The following PCDHGA2 variants were observed in gnomAD, a reference collection of about 807,000 sequenced individuals.
PCDHGA2 encodes protocadherin gamma-A2.
A neutral mutation model predicts 59.2 loss-of-function variants in PCDHGA2; 40 were observed. The observed-to-expected ratio is 0.68, with a 90% CI of 0.52 to 0.88. The LOEUF (loss-of-function observed/expected upper bound fraction) is 0.88, where lower values mean the gene tolerates loss of function less well. Among genes scored for constraint, PCDHGA2 ranks in the 40% least tolerant of loss-of-function variants. The pLI is 0.00. For missense variants in PCDHGA2, 1,226 were observed against 1,204.0 expected (o/e 1.02, Z -0.27); for synonymous variants, 560 against 526.0 (o/e 1.06, Z -0.89).
chr5:141,470,870 G>GT (rs1230952624), intron 1 of PCDHGA2, among the ~76,000 whole-genome samples: 1 of 151,546 alleles, frequency 6.6e-6, no homozygotes, highest in Non-Finnish European at 1.5e-5. Context: ...TTGTTTGTTT[G>GT]TTTTTTTGTT....
At chr5:141,413,820 C>T in intron 1 of PCDHGA2, 1 of 1,613,204 alleles carries the variant, frequency 6.2e-7, no homozygotes, top group Non-Finnish European at 8.5e-7. Flanking sequence ...ACCACCTGGT[C>T]CTCACCGCCT....
chr5:141,353,084 G>A (rs1759182149), intron 1 of PCDHGA2, among the ~76,000 whole-genome samples: 1 of 152,142 alleles, frequency 6.6e-6, no homozygotes, highest in African/African-American at 2.4e-5. Context: ...GGTATCTACT[G>A]CGGGAGGGGG....
chr5:141,338,876 C>A lies in PCDHGA2; in HGVS notation c.-96C>A. 6.9e-7 allele frequency: 1 copy of A among 1,451,392 alleles called. No individual in the cohort carries two copies. Among genetic ancestry groups the A allele is most frequent in the Non-Finnish European group, 9.1e-7 (1 of 1,103,242 alleles). The allele number at this position is 1,451,392 out of a possible 1,614,324, so 89.9% of individuals were successfully genotyped here. On this transcript the variant is annotated 5_prime_UTR_variant, in exon 1 of 4. Transcript: ENST00000394576. Reference sequence around the variant, plus strand: ...AGTTCTCTCCATAGGGACCTGGGTCCCGTGAATGCTGGTTATCTCACACCC... The same window carrying A: ...AGTTCTCTCCATAGGGACCTGGGTCACGTGAATGCTGGTTATCTCACACCC...
At position 141,461,300 on chromosome 5, in the gene PCDHGA2, A is replaced by G. The variant is rs889981233; in HGVS notation, c.2425-33507A>G. Among the ~76,000 whole-genome samples, 10 of 152,106 alleles carry G rather than the reference A, an allele frequency of 6.6e-5. No individual in the cohort carries two copies. In the East Asian group the frequency reaches 1.4e-3, roughly 21 times the overall value. On this transcript the variant is annotated intron_variant, in intron 1 of 3. Transcript: ENST00000394576. The stretch of plus-strand genomic sequence containing the variant: ...TTTCCCCACATCCACACCAACATCT[A>G]TTGTTTTTTGACTTTTTAATAATGG...
chr5:141,356,203 G>A (rs1454984060), intron 1 of PCDHGA2: 2 of 1,607,564 alleles, frequency 1.2e-6, no homozygotes, highest in Non-Finnish European at 1.7e-6. Flanking sequence ...CAAGGTACTG[G>A]TGACAGTTCT....
intron 1 of PCDHGA2, chr5:141,360,898 G>T: frequency 6.2e-7 from 1 of 1,614,040 alleles, no homozygotes; most frequent in South Asian, 1.1e-5. Context: ...GAGGGAGGAC[G>T]TGCCGCCGGG....
chr5:141,497,104 T>C (rs757158984), intron 2 of PCDHGA2, among the ~76,000 whole-genome samples: 44 of 151,910 alleles, frequency 2.9e-4, no homozygotes, highest in Non-Finnish European at 5.9e-4. Context: ...CAGAACTGCT[T>C]GAACCCGGAA....
intron 1 of PCDHGA2, among the ~76,000 whole-genome samples, chr5:141,444,880 G>A (rs527554886): frequency 6.6e-6 from 1 of 152,150 alleles, no homozygotes; most frequent in Non-Finnish European, 1.5e-5. Context: ...AAGCTTGTAG[G>A]ATTTTTGAAT....
intron 1 of PCDHGA2, chr5:141,414,585 C>CA: frequency 6.2e-7 from 1 of 1,613,968 alleles, no homozygotes; most frequent in East Asian, 2.2e-5. Flanking sequence ...AGAACAACGC[C>CA]AGGGGTGCCT....
chr5:141,404,934 C>G, intron 1 of PCDHGA2: 1 of 1,613,986 alleles, frequency 6.2e-7, no homozygotes. Context: ...GTCACGCTCA[C>G]AGTAGCCATA....
At chr5:141,413,396 G>A in intron 1 of PCDHGA2, 1 of 1,614,060 alleles carries the variant, frequency 6.2e-7, no homozygotes, top group Non-Finnish European at 8.5e-7. Flanking sequence ...GTCTCCAGAG[G>A]TAGGACGCAG....
chr5:141,410,530 T>C (rs1400165380), intron 1 of PCDHGA2: 1 of 1,613,956 alleles, frequency 6.2e-7, no homozygotes, highest in South Asian at 1.1e-5. Context: ...TACATTCCAA[T>C]GAAGACATGG....
At chr5:141,488,069 C>T (rs1197698273) in intron 1 of PCDHGA2, among the ~76,000 whole-genome samples, 1 of 152,072 alleles carries the variant, frequency 6.6e-6, no homozygotes, top group Non-Finnish European at 1.5e-5. Context: ...ATCTTTGTCT[C>T]CCAGTATCTA....
intron 1 of PCDHGA2, chr5:141,394,111 C>T: frequency 1.9e-6 from 3 of 1,613,936 alleles, no homozygotes; most frequent in African/African-American, 2.7e-5. Flanking sequence ...CCACCTCTGT[C>T]CACTGAAACT....
At position 141,476,458 on chromosome 5, in the gene PCDHGA2, C is replaced by A. The variant is rs368153419; in HGVS notation, c.2425-18349C>A. Reference sequence around the variant, plus strand: ...TAACTCTGGAGTTGGTAGTGGAGAACCCGCTGGAGCTGTTCAGCGTGGAAG... The same window carrying A: ...TAACTCTGGAGTTGGTAGTGGAGAAACCGCTGGAGCTGTTCAGCGTGGAAG... On this transcript the variant is annotated intron_variant, in intron 1 of 3. Transcript: ENST00000394576. This position sits in a 1 kb window ranked among gnomAD's most constrained non-coding sequence, Gnocchi z 7.6. 1 of 1,613,928 alleles carries A rather than the reference C, an allele frequency of 6.2e-7. No individual in the cohort carries two copies. Among genetic ancestry groups the A allele is most frequent in the Non-Finnish European group, 8.5e-7 (1 of 1,180,022 alleles).
At chr5:141,404,110 C>G (rs1283800962) in intron 1 of PCDHGA2, 1 of 1,613,336 alleles carries the variant, frequency 6.2e-7, no homozygotes, top group South Asian at 1.1e-5. Context: ...TCTGTTCTAT[C>G]CAGGAGAATC....
chr5:141,364,280 G>A, intron 1 of PCDHGA2: 1 of 1,516,138 alleles, frequency 6.6e-7, no homozygotes, highest in African/African-American at 1.4e-5. Context: ...GATAAATAAG[G>A]AAACAGCAGG....
At chr5:141,384,891 G>A in intron 1 of PCDHGA2, 1 of 1,613,876 alleles carries the variant, frequency 6.2e-7, no homozygotes, top group Non-Finnish European at 8.5e-7. Flanking sequence ...CCGTGGCTGT[G>A]GCTGACAGCA....
rs778564034 is a variant in PCDHGA2 at position 141,384,738 on chromosome 5, GC to G, written c.2424+43345del. ...CATACCTCCTGCTTAAGGCCAGCGA[GC>G]CAGGACTCTTTGCGGTTGGGCTGTA... On this transcript the variant is annotated intron_variant, in intron 1 of 3. Coordinates refer to ENST00000394576, the MANE Select transcript of PCDHGA2 (RefSeq NM_018915.4). 10 of 1,614,098 alleles carry G rather than the reference GC, an allele frequency of 6.2e-6. No individual in the cohort carries two copies. The East Asian group carries it at 2.2e-4, about 36-fold the overall frequency.
Sources: allele counts gnomAD v4.1 joint callset (sites outside exome capture counted in the v4.1 genomes callset), GRCh38; gene constraint gnomAD v4.1.1; non-coding constraint Gnocchi (gnomAD v3.1); transcripts MANE v1.5; gene names NCBI Gene and HGNC (gene_info 2026-07-23, HGNC 2026-07-21).